SSBP2: variants seen among roughly 807,000 people sequenced by gnomAD.
The protein encoded by SSBP2 is single stranded DNA binding protein 2.
Under a neutral mutation model 61.8 loss-of-function variants are expected in SSBP2, and 17 were observed. The ratio of observed to expected loss-of-function variants is 0.28; its 90% CI spans 0.19 to 0.41. SSBP2 has a LOEUF of 0.41. Among genes scored for constraint, SSBP2 ranks in the 10% least tolerant of loss-of-function variants. The pLI is 1.00. For synonymous variants in SSBP2, 139 were observed against 141.3 expected, an observed-to-expected ratio of 0.98 and a Z score of 0.12; for missense variants, 310 against 458.7, an observed-to-expected ratio of 0.68 and a Z score of 2.96.
At chr5:81,525,078 C>A (rs897119309) in intron 4 of SSBP2, among the ~76,000 whole-genome samples, 2 of 151,940 alleles carry the variant, frequency 1.3e-5, no homozygotes, top group African/African-American at 4.8e-5. Flanking sequence ...AGTTTTAATC[C>A]TTGTGCCAAA....
intron 8 of SSBP2, among the ~76,000 whole-genome samples, chr5:81,469,972 T>C (rs1765142243): frequency 6.6e-6 from 1 of 151,928 alleles, no homozygotes; most frequent in Non-Finnish European, 1.5e-5. Flanking sequence ...CTTTCCATGG[T>C]TGGGAAATTT....
intron 3 of SSBP2, 39 bp downstream of exon 3, chr5:81,636,518 C>A: frequency 6.7e-7 from 1 of 1,488,348 alleles, no homozygotes; most frequent in Non-Finnish European, 9.3e-7. Flanking sequence ...TATTGAAATG[C>A]ATCATCAAGC....
chr5:81,439,346 T>C (rs141771043), intron 14 of SSBP2, among the ~76,000 whole-genome samples: 1 of 152,288 alleles, frequency 6.6e-6, no homozygotes, highest in African/African-American at 2.4e-5. Flanking sequence ...GCATTTGACC[T>C]ATGTGAATGC....
chr5:81,538,781 C>T lies in SSBP2; in HGVS notation c.283-25064G>A, dbSNP rs560739003. Among the ~76,000 whole-genome samples, 4 of 152,292 alleles carry T rather than the reference C, an allele frequency of 2.6e-5. No homozygotes were observed. The South Asian group carries it at 6.2e-4, about 24-fold the overall frequency. On this transcript the variant is annotated intron_variant, in intron 4 of 16. Coordinates refer to ENST00000320672, the MANE Select transcript of SSBP2 (RefSeq NM_012446.5). ...GAACAACAAAGCCTGGGTGACAGCA[C>T]ATCTGTTCACAGAATGGTTTACCGA...
chr5:81,609,201 T>C (rs1297898882), intron 4 of SSBP2, among the ~76,000 whole-genome samples: 4 of 152,226 alleles, frequency 2.6e-5, no homozygotes, highest in Admixed American at 1.3e-4. Context: ...CTTGCAGTTT[T>C]AAAATTCTAC....
At chr5:81,537,517 T>C (rs1466074055) in intron 4 of SSBP2, among the ~76,000 whole-genome samples, 1 of 152,166 alleles carries the variant, frequency 6.6e-6, no homozygotes, top group African/African-American at 2.4e-5. Context: ...TCACAGATAT[T>C]GTGGTTGTTT....
In SSBP2 at chr5:81,419,792, C is replaced by T. The variant is rs1346167244; in HGVS notation, c.*712G>A. 1 of 152,052 alleles carries T rather than the reference C, an allele frequency of 6.6e-6. No homozygotes were observed. The highest frequency in any genetic ancestry group is 1.9e-4 in the East Asian group (1 of 5,192). 9.4% of individuals were successfully genotyped at this position (152,052 alleles called of 1,614,324 possible). ...TTTTACTGATTTGAAGTGTTTTTCTCAAATAAAAATTAAAAAAATACTTTT... is the reference window on the plus strand; with the variant it reads ...TTTTACTGATTTGAAGTGTTTTTCTTAAATAAAAATTAAAAAAATACTTTT... On this transcript the variant is annotated 3_prime_UTR_variant, in exon 17 of 17. Transcript: ENST00000320672.
rs1024325077 is a variant in SSBP2, at chr5:81,417,102, T to A, written c.*3402A>T. The A allele has an allele frequency of 6.6e-6, 1 of 152,188 alleles. No homozygotes were observed. The highest frequency in any genetic ancestry group is 1.5e-5 in the Non-Finnish European group (1 of 68,046). 9.4% of individuals were successfully genotyped at this position (152,188 alleles called of 1,614,324 possible). ...CTGGTCTTGAACTCCCGACCTCAGGTGATCTGCCCACCTTGGCCTCCCAAG... is the reference window on the plus strand; with the variant it reads ...CTGGTCTTGAACTCCCGACCTCAGGAGATCTGCCCACCTTGGCCTCCCAAG... On this transcript the variant is annotated 3_prime_UTR_variant, in exon 17 of 17. Coordinates refer to ENST00000320672, the MANE Select transcript of SSBP2 (RefSeq NM_012446.5).
intron 11 of SSBP2, among the ~76,000 whole-genome samples, 176 bp from the exon 12 acceptor site, chr5:81,447,098 A>C (rs983828259): frequency 3.9e-5 from 6 of 152,180 alleles, no homozygotes; most frequent in African/African-American, 1.4e-4. Flanking sequence ...ATTTAGCTTA[A>C]ATATGTTGAG....
At chr5:81,551,674 T>C (rs1772201406) in intron 4 of SSBP2, among the ~76,000 whole-genome samples, 1 of 152,198 alleles carries the variant, frequency 6.6e-6, no homozygotes, top group African/African-American at 2.4e-5. Context: ...AACTTAAATC[T>C]TATTTAAATT....
chr5:81,599,765 G>T (rs1329927220), intron 4 of SSBP2, among the ~76,000 whole-genome samples: 1 of 152,180 alleles, frequency 6.6e-6, no homozygotes, highest in Non-Finnish European at 1.5e-5. Context: ...CGTTATAGCA[G>T]GTAGTGTGGA....
intron 4 of SSBP2, among the ~76,000 whole-genome samples, chr5:81,606,049 T>G (rs542951144): frequency 6.6e-6 from 1 of 152,184 alleles, no homozygotes; most frequent in East Asian, 1.9e-4. Context: ...ATCTCTCAGA[T>G]AAGAAAGAGA....
rs538016502 is a variant in SSBP2, at chr5:81,724,905, C to T, written c.62+26076G>A. Reference sequence around the variant, plus strand: ...AGGTTAATGTCTAGAATATTCAAGACGCTCCTATTGAGTAGGCAAAATGGA... The same window carrying T: ...AGGTTAATGTCTAGAATATTCAAGATGCTCCTATTGAGTAGGCAAAATGGA... On this transcript the variant is annotated intron_variant, in intron 1 of 16. Transcript: ENST00000320672. 1.4e-4 allele frequency among the ~76,000 whole-genome samples: 21 copies of T among 152,170 alleles called. 1 individual carries two copies. The highest frequency in any genetic ancestry group is 6.8e-3 in the Middle Eastern group (2 of 294).
intron 1 of SSBP2, among the ~76,000 whole-genome samples, chr5:81,676,558 A>C (rs1364973194): frequency 1.3e-5 from 2 of 152,178 alleles, no homozygotes; most frequent in Non-Finnish European, 2.9e-5. Flanking sequence ...TTTCACAGCT[A>C]ATTACCTTTC....
At chr5:81,660,505 C>A (rs1750593196) in intron 1 of SSBP2, among the ~76,000 whole-genome samples, 1 of 152,138 alleles carries the variant, frequency 6.6e-6, no homozygotes, top group Non-Finnish European at 1.5e-5. Flanking sequence ...CATCAGGAAA[C>A]AACAGATGCT....
chr5:81,691,970 C>T (rs1386086433), intron 1 of SSBP2, among the ~76,000 whole-genome samples: 6 of 152,206 alleles, frequency 3.9e-5, no homozygotes, highest in African/African-American at 7.2e-5. Flanking sequence ...TGCCCACTTT[C>T]ACCACTGTTA....
At chr5:81,653,912 A>G (rs1274955642) in intron 1 of SSBP2, among the ~76,000 whole-genome samples, 2 of 152,104 alleles carry the variant, frequency 1.3e-5, no homozygotes, top group Non-Finnish European at 2.9e-5. Flanking sequence ...TTCCAAACCT[A>G]TCCCTGTAGT....
chr5:81,431,579 A>T (rs34150522), intron 15 of SSBP2, among the ~76,000 whole-genome samples: 50,482 of 151,746 alleles, frequency 0.33, 9,750 homozygotes, highest in African/African-American at 0.54. Flanking sequence ...AGCAGGTATT[A>T]CATATCTTCT....
chr5:81,520,656 A>T (rs1282420747), intron 4 of SSBP2, among the ~76,000 whole-genome samples: 1 of 152,092 alleles, frequency 6.6e-6, no homozygotes, highest in East Asian at 1.9e-4. Context: ...TTGTGGTCTA[A>T]TCAATGATTG....
Sources: allele counts gnomAD v4.1 joint callset (sites outside exome capture counted in the v4.1 genomes callset), GRCh38; gene constraint gnomAD v4.1.1; transcripts MANE v1.5; gene names NCBI Gene and HGNC (gene_info 2026-07-23, HGNC 2026-07-21).